Variants in TRPM3 observed in about 807,000 individuals in gnomAD.
The protein encoded by TRPM3 is transient receptor potential cation channel subfamily M member 3.
TRPM3 carries 77 observed loss-of-function variants against 181.2 expected under a neutral mutation model. The ratio of observed to expected loss-of-function variants is 0.42; its 90% CI spans 0.35 to 0.51. The LOEUF (loss-of-function observed/expected upper bound fraction) is 0.51, where lower values mean the gene tolerates loss of function less well. Among genes scored for constraint, TRPM3 ranks in the 20% least tolerant of loss-of-function variants. The pLI is 0.01. For missense variants in TRPM3, 1,759 were observed against 2,196.7 expected, an observed-to-expected ratio of 0.80 and a Z score of 3.98; for synonymous variants, 745 against 796.4, an observed-to-expected ratio of 0.94 and a Z score of 1.09.
At chr9:71,114,126 T>TCTATCTAC (rs1473897140) in intron 1 of TRPM3, among the ~76,000 whole-genome samples, 1 of 152,182 alleles carries the variant, frequency 6.6e-6, no homozygotes, top group Non-Finnish European at 1.5e-5. Context: ...ATTTTATCTA[T>TCTATCTAC]CTATCTACCT....
Position 70,535,865 on chromosome 9 carries a change from G to A in TRPM3, c.*88C>T. The A allele has an allele frequency of 6.6e-7, 1 of 1,520,056 alleles. No individual in the cohort carries two copies. The highest frequency in any genetic ancestry group is 8.8e-7 in the Non-Finnish European group (1 of 1,138,758). The allele number at this position is 1,520,056 out of a possible 1,614,324, so 94.2% of individuals were successfully genotyped here. A position where few individuals can be genotyped will look rare whatever the true frequency, so the allele number is the denominator to read the frequency against. The stretch of plus-strand genomic sequence containing the variant: ...TTTTGCTCAGCTAAGAATAAAGCAG[G>A]TATGATTCAAGGAAAGGGGAAAAAC... On this transcript the variant is annotated 3_prime_UTR_variant, in exon 26 of 26. Transcript: ENST00000677713.
intron 15 of TRPM3, 94 bp from the exon 16 acceptor site, chr9:70,620,459 G>A: frequency 1.4e-6 from 2 of 1,379,764 alleles, no homozygotes; most frequent in Non-Finnish European, 2.0e-6. Flanking sequence ...GCTAGCTCTG[G>A]GATCAATACT....
intron 1 of TRPM3, among the ~76,000 whole-genome samples, chr9:71,280,145 T>C (rs2084588221): frequency 6.6e-6 from 1 of 151,806 alleles, no homozygotes. Flanking sequence ...AAACCAATTA[T>C]GCTCTACTGA....
At chr9:70,613,699 C>T (rs1228689528) in intron 18 of TRPM3, among the ~76,000 whole-genome samples, 1 of 152,222 alleles carries the variant, frequency 6.6e-6, no homozygotes, top group African/African-American at 2.4e-5. Flanking sequence ...GGAGAAGAAG[C>T]TTGGGCAGCA....
At chr9:71,050,533 A>G (rs2059950464) in intron 1 of TRPM3, among the ~76,000 whole-genome samples, 1 of 152,226 alleles carries the variant, frequency 6.6e-6, no homozygotes, top group African/African-American at 2.4e-5. Context: ...ATAATTATCT[A>G]ATAAGAAAAA....
At position 70,533,084 on chromosome 9, in the gene TRPM3, AAAAG is replaced by A. The variant is rs1391348579; in HGVS notation, c.*2865_*2868del. On this transcript the variant is annotated 3_prime_UTR_variant, in exon 26 of 26. Coordinates refer to ENST00000677713, the MANE Select transcript of TRPM3 (RefSeq NM_001366145.2). Reference sequence around the variant, plus strand: ...TTAGAACTTAATTTTCATGCACAACAAAAGAATCAGGTAATTGCAAGATCAGGAC... The same window carrying A: ...TTAGAACTTAATTTTCATGCACAACAAATCAGGTAATTGCAAGATCAGGAC... The A allele has an allele frequency of 3.3e-5, 5 of 152,340 alleles. No individual in the cohort carries two copies. Among genetic ancestry groups the A allele is most frequent in the Admixed American group, 2.0e-4 (3 of 15,308 alleles). The allele number at this position is 152,340 out of a possible 1,614,324, so 9.4% of individuals were successfully genotyped here.
upstream of TRPM3, among the ~76,000 whole-genome samples, chr9:71,121,830 CAG>C (rs2073689583): frequency 6.6e-6 from 1 of 152,130 alleles, no homozygotes; most frequent in African/African-American, 2.4e-5. Context: ...GGTGAGGACA[CAG>C]GGAGAGAAGG....
intron 1 of TRPM3, among the ~76,000 whole-genome samples, chr9:70,911,381 T>C (rs2096536019): frequency 6.6e-6 from 1 of 152,224 alleles, no homozygotes; most frequent in African/African-American, 2.4e-5. Context: ...CTTTCATTTA[T>C]CTTATTCTAT....
chr9:71,248,471 G>A (rs1211298766), intron 1 of TRPM3, among the ~76,000 whole-genome samples: 2 of 152,170 alleles, frequency 1.3e-5, no homozygotes, highest in Non-Finnish European at 2.9e-5. Context: ...TGATGGAAGC[G>A]AAGACAGAAA....
intron 1 of TRPM3, among the ~76,000 whole-genome samples, chr9:71,046,602 TC>T (rs2059467061): frequency 6.6e-6 from 1 of 152,168 alleles, no homozygotes; most frequent in Non-Finnish European, 1.5e-5. Context: ...GGATCTATCC[TC>T]CCCGACCTAT....
intron 6 of TRPM3, among the ~76,000 whole-genome samples, chr9:70,816,243 T>C (rs2092680104): frequency 6.6e-6 from 1 of 152,226 alleles, no homozygotes; most frequent in Non-Finnish European, 1.5e-5. Context: ...ACACATCCAA[T>C]TATATATTTA....
intron 9 of TRPM3, among the ~76,000 whole-genome samples, chr9:70,653,178 A>C (rs1267313413): frequency 6.6e-6 from 1 of 152,138 alleles, no homozygotes; most frequent in Non-Finnish European, 1.5e-5. Flanking sequence ...GAGGAAGAAA[A>C]GCAAAGAGGG....
intron 6 of TRPM3, among the ~76,000 whole-genome samples, chr9:70,786,890 T>C (rs895790469): frequency 1.1e-4 from 17 of 152,232 alleles, no homozygotes; most frequent in African/African-American, 4.1e-4. Flanking sequence ...ATTCTGTCGG[T>C]GGAATCTTTA....
rs146358333 is a variant in TRPM3 at position 70,593,354 on chromosome 9, A to G, written c.3049-2149T>C. ...TTTTTCATCCTCTCTCTTATTTTAT[A>G]AAATTCTTTCATCATTTATTTACAA... On this transcript the variant is annotated intron_variant, in intron 21 of 25. Coordinates refer to ENST00000677713, the MANE Select transcript of TRPM3 (RefSeq NM_001366145.2). Among the ~76,000 whole-genome samples the G allele has an allele frequency of 2.4e-3, 371 of 152,298 alleles. 1 individual carries two copies. Among genetic ancestry groups the G allele is most frequent in the Non-Finnish European group, 4.5e-3 (308 of 68,028 alleles).
intron 1 of TRPM3, among the ~76,000 whole-genome samples, chr9:71,373,462 T>C (rs144052724): frequency 0.016 from 2,359 of 152,068 alleles, 70 homozygotes; most frequent in African/African-American, 0.051. Flanking sequence ...ACTGACCCCA[T>C]AGAAATACAA....
At chr9:71,343,678 T>C (rs2091109566) in intron 1 of TRPM3, among the ~76,000 whole-genome samples, 1 of 152,114 alleles carries the variant, frequency 6.6e-6, no homozygotes, top group Non-Finnish European at 1.5e-5. Context: ...TGAAAGGGCC[T>C]CCAAGTAATA....
rs769844763 is a variant in TRPM3, at chr9:70,537,188, G to A, written c.3925C>T (p.Arg1309Cys). 6.9e-6 allele frequency: 11 copies of A among 1,593,834 alleles called. 1 individual carries two copies. Among genetic ancestry groups the A allele is most frequent in the African/African-American group, 2.7e-5 (2 of 74,486 alleles). ...SDCTDAAYIV[R>C]QSSFNSQEGN... is the part of the protein sequence containing the mutation. The stretch of plus-strand genomic sequence containing the variant: ...TCCTGGCTGTTGAAGCTGCTCTGAC[G>A]GACAATGTAGGCGGCGTCCGTGCAG... The change falls in exon 26 of 26, where the codon CGT becomes TGT. Residue 1309 changes from arginine to cysteine, a missense_variant. Arg to Cys is a radical substitution (Grantham distance 180). Around this residue, in one of 8 missense-constraint regions of TRPM3, gnomAD observed 612 missense variants for 590.0 expected, o/e 1.04. Coordinates refer to ENST00000677713, the MANE Select transcript of TRPM3 (RefSeq NM_001366145.2).
At chr9:70,919,049 C>T (rs928273331) in intron 1 of TRPM3, among the ~76,000 whole-genome samples, 3 of 152,100 alleles carry the variant, frequency 2.0e-5, no homozygotes, top group African/African-American at 7.2e-5. Flanking sequence ...TCATTACATC[C>T]TAATAGAGGT....
At chr9:71,282,068 AAAG>A (rs2084760282) in intron 1 of TRPM3, among the ~76,000 whole-genome samples, 1 of 84,288 alleles carries the variant, frequency 1.2e-5, no homozygotes, top group Non-Finnish European at 2.5e-5. Flanking sequence ...AGAGAGAAAG[AAAG>A]GAAAGAAAGG....
Sources: allele counts gnomAD v4.1 joint callset (sites outside exome capture counted in the v4.1 genomes callset), GRCh38; gene constraint gnomAD v4.1.1; regional missense constraint gnomAD v4.1.1; transcripts MANE v1.5; gene names NCBI Gene and HGNC (gene_info 2026-07-23, HGNC 2026-07-21).